Variants in GALNT13 observed in about 807,000 individuals in gnomAD.
GALNT13 encodes the protein UDP-GalNAc:polypeptide N-acetylgalactosaminyltransferase 13.
GALNT13 carries 28 observed loss-of-function variants against 64.2 expected under a neutral mutation model. The observed-to-expected ratio is 0.44, with a 90% CI of 0.32 to 0.60. GALNT13 has a LOEUF of 0.60. GALNT13 is among the 20% of genes least tolerant of loss of function. The pLI is 0.05. For synonymous variants in GALNT13, 214 were observed against 224.6 expected (o/e 0.95, Z 0.42); for missense variants, 577 against 669.8 (o/e 0.86, Z 1.53).
At chr2:153,771,551 G>T in the GALNT13 span, among the ~76,000 whole-genome samples, 1 of 151,954 alleles carries the variant, frequency 6.6e-6, no homozygotes, top group Non-Finnish European at 1.5e-5. Flanking sequence ...AATCTAGGGT[G>T]GCTCAGTCTC....
the GALNT13 span, among the ~76,000 whole-genome samples, chr2:153,265,119 C>T: frequency 2.3e-3 from 356 of 152,262 alleles, 3 homozygotes; most frequent in Admixed American, 4.1e-3. Flanking sequence ...CCCAGAGCTG[C>T]AAGCTGTGCT....
chr2:153,742,609 C>G, the GALNT13 span, among the ~76,000 whole-genome samples: 1 of 152,038 alleles, frequency 6.6e-6, no homozygotes, highest in African/African-American at 2.4e-5. Context: ...TCCCCAGTGT[C>G]CATTATTTCC....
the GALNT13 span, among the ~76,000 whole-genome samples, chr2:153,620,187 G>A: frequency 6.6e-6 from 1 of 152,012 alleles, no homozygotes; most frequent in African/African-American, 2.4e-5. Flanking sequence ...GCAGTGGCAT[G>A]ATTTTGGCTT....
chr2:154,218,990 C>T (rs1688187901), intron 4 of GALNT13, among the ~76,000 whole-genome samples: 2 of 151,970 alleles, frequency 1.3e-5, no homozygotes, highest in Admixed American at 6.6e-5. Flanking sequence ...ATCGGTTCCT[C>T]ATTGGGTATC....
At chr2:153,751,566 A>G in the GALNT13 span, among the ~76,000 whole-genome samples, 1 of 151,736 alleles carries the variant, frequency 6.6e-6, no homozygotes. Context: ...TATTGATGCT[A>G]TTATCATTAT....
At chr2:154,445,135 A>C (rs1468082632) in intron 12 of GALNT13, among the ~76,000 whole-genome samples, 1 of 152,036 alleles carries the variant, frequency 6.6e-6, no homozygotes, top group African/African-American at 2.4e-5. Context: ...CAATAAGGAC[A>C]AGATTTGTAA....
chr2:153,196,848 C>T, the GALNT13 span, among the ~76,000 whole-genome samples: 2 of 152,162 alleles, frequency 1.3e-5, no homozygotes, highest in Non-Finnish European at 2.9e-5. Flanking sequence ...CCAGCTCCGA[C>T]TCCTCCATAT....
intron 3 of GALNT13, among the ~76,000 whole-genome samples, chr2:153,961,883 G>T (rs1368437087): frequency 6.6e-6 from 1 of 152,150 alleles, no homozygotes; most frequent in African/African-American, 2.4e-5. Flanking sequence ...GGCTATAATA[G>T]AATTTTGTCC....
chr2:153,224,489 G>T, the GALNT13 span, among the ~76,000 whole-genome samples: 5 of 52,928 alleles, frequency 9.4e-5, no homozygotes, highest in East Asian at 8.8e-4. Context: ...TAAAATAAAA[G>T]TTGAATTTTT....
chr2:154,384,963 A>C (rs1287194262), intron 9 of GALNT13, among the ~76,000 whole-genome samples: 2 of 152,094 alleles, frequency 1.3e-5, no homozygotes, highest in East Asian at 3.9e-4. Context: ...CTGAAACTGC[A>C]GTTGGCTACT....
intron 3 of GALNT13, among the ~76,000 whole-genome samples, chr2:154,064,665 A>T (rs1700367638): frequency 2.0e-5 from 3 of 152,126 alleles, no homozygotes; most frequent in African/African-American, 7.2e-5. Flanking sequence ...GGAAGGACCC[A>T]GTCCTGGTAG....
At chr2:153,896,710 T>C (rs964957550) in intron 1 of GALNT13, among the ~76,000 whole-genome samples, 2 of 152,080 alleles carry the variant, frequency 1.3e-5, no homozygotes, top group African/African-American at 2.4e-5. Flanking sequence ...ACCCGATAGG[T>C]AGTTTTTTGA....
chr2:153,458,396 T>C, the GALNT13 span, among the ~76,000 whole-genome samples: 2 of 152,192 alleles, frequency 1.3e-5, no homozygotes, highest in African/African-American at 2.4e-5. Flanking sequence ...ACAATCCAAG[T>C]TCCCCCTGCC....
At chr2:153,802,921 C>T in the GALNT13 span, among the ~76,000 whole-genome samples, 1 of 152,210 alleles carries the variant, frequency 6.6e-6, no homozygotes, top group East Asian at 1.9e-4. Context: ...AGAGAGGATG[C>T]ATTAGAAATA....
At chr2:153,360,233 C>T in the GALNT13 span, among the ~76,000 whole-genome samples, 21 of 152,262 alleles carry the variant, frequency 1.4e-4, no homozygotes, top group South Asian at 8.3e-4. Flanking sequence ...GGTGAGTGAG[C>T]GTGCTACCCA....
the GALNT13 span, among the ~76,000 whole-genome samples, chr2:153,847,233 C>A: frequency 6.6e-6 from 1 of 151,954 alleles, no homozygotes; most frequent in Admixed American, 6.6e-5. Context: ...ATATTACCTT[C>A]TCTTCAAATT....
At chr2:153,710,245 C>T in the GALNT13 span, among the ~76,000 whole-genome samples, 1 of 151,948 alleles carries the variant, frequency 6.6e-6, no homozygotes, top group Non-Finnish European at 1.5e-5. Context: ...CCTAAGAAAT[C>T]CATACAACCA....
chr2:153,919,747 G>A (rs1310143427), intron 2 of GALNT13, among the ~76,000 whole-genome samples: 1 of 151,628 alleles, frequency 6.6e-6, no homozygotes, highest in Non-Finnish European at 1.5e-5. Flanking sequence ...TACAATAATA[G>A]CAATGGCTAA....
At chr2:153,534,814 G>A in the GALNT13 span, among the ~76,000 whole-genome samples, 1 of 151,998 alleles carries the variant, frequency 6.6e-6, no homozygotes, top group East Asian at 1.9e-4. Context: ...TTCTTTTGTG[G>A]TGGAATGTCA....
Sources: allele counts gnomAD v4.1 joint callset (sites outside exome capture counted in the v4.1 genomes callset), GRCh38; gene constraint gnomAD v4.1.1; transcripts MANE v1.5; gene names NCBI Gene and HGNC (gene_info 2026-07-23, HGNC 2026-07-21).